Variants in CNKSR3 observed in about 807,000 individuals in gnomAD.
The protein encoded by CNKSR3 is CNKSR family member 3, also known as connector enhancer of kinase suppressor of ras 3.
Under a neutral mutation model 67.7 loss-of-function variants are expected in CNKSR3, and 36 were observed. That is an observed-to-expected ratio of 0.53 (90% CI 0.41 to 0.70). The LOEUF (loss-of-function observed/expected upper bound fraction) is 0.70. Ranked by LOEUF, CNKSR3 falls within the 30% of genes least tolerant of loss-of-function variation. CNKSR3 has a pLI of 0.00. For synonymous variants in CNKSR3, 281 were observed against 271.4 expected (o/e 1.04, Z -0.35); for missense variants, 630 against 695.2 (o/e 0.91, Z 1.05).
intron 10 of CNKSR3, among the ~76,000 whole-genome samples, chr6:154,412,324 T>C (rs1784927435): frequency 6.6e-6 from 1 of 152,220 alleles, no homozygotes. Flanking sequence ...CAGAAAATCC[T>C]TCATGAGTGG....
intron 1 of CNKSR3, among the ~76,000 whole-genome samples, chr6:154,451,498 TACATGCACACACAC>T (rs1785829337): frequency 7.0e-5 from 1 of 14,310 alleles, no homozygotes; most frequent in Non-Finnish European, 1.1e-4. Flanking sequence ...CACACACGCA[TACATGCACACACAC>T]GCGCACACTC....
In CNKSR3 at chr6:154,400,927, G is replaced by T. The variant is rs1053523046; in HGVS notation, c.*5427C>A. 1.3e-5 allele frequency: 2 copies of T among 152,004 alleles called. No homozygotes were observed. Among genetic ancestry groups the T allele is most frequent in the Non-Finnish European group, 2.9e-5 (2 of 67,990 alleles). 9.4% of individuals were successfully genotyped at this position (152,004 alleles called of 1,614,324 possible). A position where few individuals can be genotyped will look rare whatever the true frequency, so the allele number is the denominator to read the frequency against. ...TTTTTTCTAATTCCATATGCTATAG[G>T]CTACAAAATATATATTTAAATTCCC... On this transcript the variant is annotated 3_prime_UTR_variant, in exon 13 of 13. Coordinates refer to ENST00000607772, the MANE Select transcript of CNKSR3 (RefSeq NM_173515.4).
intron 4 of CNKSR3, among the ~76,000 whole-genome samples, chr6:154,435,670 T>C (rs1391995647): frequency 1.3e-5 from 2 of 152,164 alleles, no homozygotes; most frequent in Non-Finnish European, 1.5e-5. Flanking sequence ...AATGGAAAAA[T>C]GAGTGCAAAA....
chr6:154,481,340 TAGC>T (rs998159486), intron 1 of CNKSR3, among the ~76,000 whole-genome samples: 10 of 151,624 alleles, frequency 6.6e-5, no homozygotes, highest in Non-Finnish European at 1.5e-4. Context: ...TTTTATTTGA[TAGC>T]AGTCTTATGC....
At chr6:154,441,953 C>T (rs888811769) in intron 3 of CNKSR3, 135 bp downstream of exon 3, 2 of 747,498 alleles carry the variant, frequency 2.7e-6, no homozygotes, top group African/African-American at 1.8e-5. Flanking sequence ...TACCACTGAT[C>T]GAGGACTCCT....
chr6:154,443,221 G>T (rs903375001), intron 2 of CNKSR3, among the ~76,000 whole-genome samples: 1 of 152,028 alleles, frequency 6.6e-6, no homozygotes, highest in South Asian at 2.1e-4. Context: ...TATCACTCAG[G>T]TGCTGGCCCA....
intron 2 of CNKSR3, among the ~76,000 whole-genome samples, chr6:154,443,942 C>CA (rs1223375838): frequency 2.6e-5 from 4 of 152,114 alleles, no homozygotes; most frequent in South Asian, 2.1e-4. Flanking sequence ...GTGGGTGCTT[C>CA]AAAAAAATCA....
At chr6:154,432,259 G>A (rs1442743670) in intron 5 of CNKSR3, among the ~76,000 whole-genome samples, 1 of 152,144 alleles carries the variant, frequency 6.6e-6, no homozygotes, top group Non-Finnish European at 1.5e-5. Flanking sequence ...TAATACAAAT[G>A]ACATTGAACA....
chr6:154,489,557 AAC>A (rs1786743083), intron 1 of CNKSR3, among the ~76,000 whole-genome samples: 2 of 151,888 alleles, frequency 1.3e-5, no homozygotes, highest in African/African-American at 4.8e-5. Flanking sequence ...CAAACAAACA[AAC>A]AAAGTCACTC....
Position 154,510,131 on chromosome 6 carries a change from T to C in CNKSR3, c.-17A>G. The C allele has an allele frequency of 2.5e-6, 4 of 1,614,038 alleles. No individual in the cohort carries two copies. The highest frequency in any genetic ancestry group is 3.4e-6 in the Non-Finnish European group (4 of 1,179,956). On this transcript the variant is annotated 5_prime_UTR_variant, in exon 1 of 13. Coordinates refer to ENST00000607772, the MANE Select transcript of CNKSR3 (RefSeq NM_173515.4). ...GGGTTCCATGGTAAACCGCTTCGCCTCTCGCTGGGCTGGAGAGTCGCAGAT... is the reference window on the plus strand; with the variant it reads ...GGGTTCCATGGTAAACCGCTTCGCCCCTCGCTGGGCTGGAGAGTCGCAGAT...
intron 1 of CNKSR3, among the ~76,000 whole-genome samples, chr6:154,495,801 C>T (rs1483633477): frequency 3.9e-5 from 6 of 152,052 alleles, no homozygotes; most frequent in Admixed American, 6.5e-5. Flanking sequence ...TCCTGTGTGG[C>T]GCCTCTTGCT....
At position 154,393,229 on chromosome 6, in the gene CNKSR3, T is replaced by A. The variant is rs1385935484; in HGVS notation, c.*13125A>T. 2 of 152,108 alleles carry A rather than the reference T, an allele frequency of 1.3e-5. No individual in the cohort carries two copies. The highest frequency in any genetic ancestry group is 3.9e-4 in the East Asian group (2 of 5,192). The allele number at this position is 152,108 out of a possible 1,614,324, so 9.4% of individuals were successfully genotyped here. On this transcript the variant is annotated 3_prime_UTR_variant, in exon 13 of 13. Transcript: ENST00000607772. ...GCACCCACCTACTTAGTGTTTCTAA[T>A]CCCCAGGATATATATCTAGGAATGA...
Position 154,406,479 on chromosome 6 carries a change from C to G in CNKSR3, c.1543G>C (p.Ala515Pro), listed in dbSNP as rs753473032. Residue 515 changes from alanine (A) to proline (P), a missense_variant, in exon 13 of 13, where the codon GCC becomes CCC. Physicochemically the swap from Ala to Pro is conservative, Grantham distance 27 (BLOSUM62 -1). This residue lies in a region of CNKSR3 where 308 missense variants were observed against 299.6 expected (regional missense o/e 1.03). Transcript: ENST00000607772. ...CCTTCCTCCTGGAATGGAATCGTGGCGCTGCTGTGGAGATCTGAGTTGATG... is the reference window on the plus strand; with the variant it reads ...CCTTCCTCCTGGAATGGAATCGTGGGGCTGCTGTGGAGATCTGAGTTGATG... ...CYINSDLHSS[A>P]TIPFQEEGTK... 6.2e-7 allele frequency: 1 copy of G among 1,614,170 alleles called. No homozygotes were observed. Among genetic ancestry groups the G allele is most frequent in the Non-Finnish European group, 8.5e-7 (1 of 1,180,034 alleles).
intron 7 of CNKSR3, among the ~76,000 whole-genome samples, chr6:154,426,712 T>C (rs1448053581): frequency 6.6e-6 from 1 of 152,160 alleles, no homozygotes; most frequent in Non-Finnish European, 1.5e-5. Flanking sequence ...TGCCTTCCAG[T>C]AGTAATTCTG....
chr6:154,425,739 G>A (rs1785241119), intron 7 of CNKSR3, among the ~76,000 whole-genome samples: 1 of 152,246 alleles, frequency 6.6e-6, no homozygotes, highest in Non-Finnish European at 1.5e-5. Context: ...TGGACTGAAG[G>A]CCTTGCTTGC....
chr6:154,469,832 T>C (rs559698352), intron 1 of CNKSR3, among the ~76,000 whole-genome samples: 1 of 152,330 alleles, frequency 6.6e-6, no homozygotes, highest in Non-Finnish European at 1.5e-5. Flanking sequence ...GCTTAACTGC[T>C]AATAGCCTAC....
At position 154,411,012 on chromosome 6, in the gene CNKSR3, C is replaced by A. The variant is rs768943703; in HGVS notation, c.1201G>T (p.Asp401Tyr). The A allele has an allele frequency of 6.2e-7, 1 of 1,614,152 alleles. No individual in the cohort carries two copies. Among genetic ancestry groups the A allele is most frequent in the Non-Finnish European group, 8.5e-7 (1 of 1,180,012 alleles). ...GAGTACCCAGGCAACTGATCCGAGTCTGCAATGGTGAATCTTCGTCTCCGG... is the reference window on the plus strand; with the variant it reads ...GAGTACCCAGGCAACTGATCCGAGTATGCAATGGTGAATCTTCGTCTCCGG... ...ESRRRRFTIA[D>Y]SDQLPGYSVE... The change falls in exon 11 of 13, where the codon GAC (aspartate) becomes TAC (tyrosine). Residue 401 changes from aspartate to tyrosine, a missense_variant. Physicochemically the swap from Asp to Tyr is radical, Grantham distance 160. Transcript: ENST00000607772.
At chr6:154,445,166 T>A (rs1170496925) in intron 2 of CNKSR3, among the ~76,000 whole-genome samples, 1 of 152,058 alleles carries the variant, frequency 6.6e-6, no homozygotes, top group African/African-American at 2.4e-5. Context: ...ATTTAAAAAA[T>A]TAGAAATTTT....
At chr6:154,495,956 C>G (rs1582903530) in intron 1 of CNKSR3, among the ~76,000 whole-genome samples, 2 of 152,122 alleles carry the variant, frequency 1.3e-5, no homozygotes, top group African/African-American at 4.8e-5. Context: ...TTTCAAAGCT[C>G]TGTATTATAT....
Sources: gnomAD v4.1 joint callset for allele counts (sites outside exome capture counted in the v4.1 genomes callset) on GRCh38, gnomAD v4.1.1 for gene constraint, gnomAD v4.1.1 regional missense constraint, MANE v1.5 for transcripts, NCBI Gene and HGNC (gene_info 2026-07-23, HGNC 2026-07-21) for gene names.